The following SEMA6D variants were observed in gnomAD, a reference collection of about 807,000 sequenced individuals.
The protein encoded by SEMA6D is semaphorin-6D.
SEMA6D carries 35 observed loss-of-function variants against 106.6 expected under a neutral mutation model. The observed-to-expected ratio is 0.33, with a 90% CI of 0.25 to 0.44. The LOEUF is 0.44. SEMA6D is among the 20% of genes least tolerant of loss of function. The pLI, the probability that SEMA6D is intolerant of heterozygous loss-of-function variation, is 1.00. For missense variants in SEMA6D, 1,185 were observed against 1,345.9 expected, an observed-to-expected ratio of 0.88 and a Z score of 1.87; for synonymous variants, 499 against 487.7, an observed-to-expected ratio of 1.02 and a Z score of -0.31.
chr15:47,626,686 A>G (rs1055282481), intron 4 of SEMA6D, among the ~76,000 whole-genome samples: 1 of 151,936 alleles, frequency 6.6e-6, no homozygotes, highest in Non-Finnish European at 1.5e-5. Context: ...TCTACACAAC[A>G]CCTTTGTTTC....
At chr15:47,345,536 C>T (rs991919382) in intron 1 of SEMA6D, among the ~76,000 whole-genome samples, 1 of 152,034 alleles carries the variant, frequency 6.6e-6, no homozygotes, top group African/African-American at 2.4e-5. Flanking sequence ...TACCTCATAG[C>T]ATACACAAGA....
chr15:47,504,028 TTCCA>T (rs1185892351), intron 3 of SEMA6D, among the ~76,000 whole-genome samples: 1 of 152,150 alleles, frequency 6.6e-6, no homozygotes, highest in African/African-American at 2.4e-5. Context: ...GAGGCTCAGT[TTCCA>T]TAGCAAACAC....
intron 3 of SEMA6D, among the ~76,000 whole-genome samples, chr15:47,534,211 G>C (rs746526478): frequency 2.6e-5 from 4 of 151,968 alleles, no homozygotes; most frequent in Non-Finnish European, 5.9e-5. Context: ...TTTAAATGGA[G>C]ACAAATTATC....
At chr15:47,586,317 A>T (rs1039834113) in intron 3 of SEMA6D, among the ~76,000 whole-genome samples, 2 of 152,216 alleles carry the variant, frequency 1.3e-5, no homozygotes, top group East Asian at 3.9e-4. Context: ...AGAAGATGAG[A>T]GCCAGCACTT....
chr15:47,666,554 G>T (rs1385684637), intron 4 of SEMA6D, among the ~76,000 whole-genome samples: 1 of 152,200 alleles, frequency 6.6e-6, no homozygotes, highest in African/African-American at 2.4e-5. Flanking sequence ...AACCAGAGCT[G>T]TGTAGGGGGA....
intron 3 of SEMA6D, among the ~76,000 whole-genome samples, chr15:47,594,891 G>T (rs777770591): frequency 1.3e-5 from 2 of 152,196 alleles, no homozygotes; most frequent in South Asian, 4.1e-4. Context: ...GAGGGCATGT[G>T]TGTATCTGTG....
At chr15:47,653,825 G>A (rs772187001) in intron 4 of SEMA6D, among the ~76,000 whole-genome samples, 5 of 152,188 alleles carry the variant, frequency 3.3e-5, no homozygotes, top group Non-Finnish European at 5.9e-5. Context: ...TCATATCCAC[G>A]AATGAACGAA....
chr15:47,372,592 C>G (rs1464494023), intron 1 of SEMA6D, among the ~76,000 whole-genome samples: 2 of 151,716 alleles, frequency 1.3e-5, no homozygotes, highest in East Asian at 2.0e-4. Flanking sequence ...TCTGCAGGGG[C>G]TCTCTGAGCC....
At chr15:47,494,800 T>TAC (rs71432245) in intron 3 of SEMA6D, among the ~76,000 whole-genome samples, 2,331 of 96,432 alleles carry the variant, frequency 0.024, 61 homozygotes, top group South Asian at 0.06. Context: ...AATCTCCAGA[T>TAC]ACACACACAC....
At chr15:47,692,893 A>G (rs969772913) in intron 4 of SEMA6D, among the ~76,000 whole-genome samples, 12 of 152,024 alleles carry the variant, frequency 7.9e-5, no homozygotes, top group African/African-American at 2.9e-4. Flanking sequence ...CTGACTTTCT[A>G]TTAATATGAT....
chr15:47,279,811 T>C (rs2035023574), intron 1 of SEMA6D, among the ~76,000 whole-genome samples: 1 of 151,178 alleles, frequency 6.6e-6, no homozygotes, highest in Non-Finnish European at 1.5e-5. Context: ...TTGGTTCTGT[T>C]TATATGCTGG....
intron 4 of SEMA6D, among the ~76,000 whole-genome samples, chr15:47,657,146 A>G (rs1206588753): frequency 6.6e-6 from 1 of 152,236 alleles, no homozygotes; most frequent in Non-Finnish European, 1.5e-5. Context: ...AGTGAAAAGC[A>G]AAAAGCAGAA....
chr15:47,586,887 G>GTT (rs1708069243), intron 3 of SEMA6D, among the ~76,000 whole-genome samples: 3 of 38,452 alleles, frequency 7.8e-5, no homozygotes, highest in South Asian at 1.8e-3. Context: ...AAATTTGACA[G>GTT]GTTTTTTTTT....
At chr15:47,541,250 C>G (rs1401927029) in intron 3 of SEMA6D, among the ~76,000 whole-genome samples, 1 of 152,106 alleles carries the variant, frequency 6.6e-6, no homozygotes, top group African/African-American at 2.4e-5. Flanking sequence ...TGAAAGTTTT[C>G]CAGAAAGATA....
intron 1 of SEMA6D, chr15:47,412,265 G>A (rs1277386618): frequency 6.6e-6 from 1 of 152,438 alleles, no homozygotes; most frequent in Non-Finnish European, 1.5e-5. Context: ...CTGTGTTTAA[G>A]AGGTCTTATC....
At chr15:47,513,482 G>A (rs1206074220) in intron 3 of SEMA6D, among the ~76,000 whole-genome samples, 6 of 152,094 alleles carry the variant, frequency 3.9e-5, no homozygotes, top group Non-Finnish European at 5.9e-5. Flanking sequence ...TTGGTCTTGG[G>A]AACTGCAGCT....
At chr15:47,724,439 T>C (rs1194140598) in intron 1 of SEMA6D, among the ~76,000 whole-genome samples, 2 of 152,194 alleles carry the variant, frequency 1.3e-5, no homozygotes, top group Non-Finnish European at 2.9e-5. Flanking sequence ...AGAAAAGATA[T>C]ACACAGACTT....
chr15:47,405,942 C>T (rs2040550749), intron 1 of SEMA6D, among the ~76,000 whole-genome samples: 1 of 152,216 alleles, frequency 6.6e-6, no homozygotes, highest in South Asian at 2.1e-4. Flanking sequence ...TGCAGAGCCA[C>T]ATGCCCTACA....
intron 1 of SEMA6D, among the ~76,000 whole-genome samples, chr15:47,378,578 G>C (rs140172031): frequency 6.6e-6 from 1 of 152,226 alleles, no homozygotes; most frequent in African/African-American, 2.4e-5. Context: ...CTTCTTACTA[G>C]CTTGCTTATT....
Sources: gnomAD v4.1 joint callset for allele counts (sites outside exome capture counted in the v4.1 genomes callset) on GRCh38, gnomAD v4.1.1 for gene constraint, MANE v1.5 for transcripts, NCBI Gene and HGNC (gene_info 2026-07-23, HGNC 2026-07-21) for gene names.